MPHOSPH9: variants seen among roughly 807,000 people sequenced by gnomAD.
MPHOSPH9 encodes the protein M-phase phosphoprotein 9.
MPHOSPH9 carries 88 observed loss-of-function variants against 145.5 expected under a neutral mutation model. The ratio of observed to expected loss-of-function variants is 0.60; its 90% confidence interval spans 0.51 to 0.72. The LOEUF is 0.72. MPHOSPH9 is among the 30% of genes least tolerant of loss of function. The pLI, the probability that MPHOSPH9 is intolerant of heterozygous loss-of-function variation, is 0.00. For missense variants in MPHOSPH9, 1,238 were observed against 1,386.6 expected (o/e 0.89, Z 1.70); for synonymous variants, 435 against 486.2 (o/e 0.89, Z 1.39).
downstream of MPHOSPH9, chr12:123,152,718 A>C: frequency 2.7e-6 from 1 of 375,138 alleles, no homozygotes; most frequent in South Asian, 1.9e-5. Context: ...ACTACCATAG[A>C]GCTCTTGGCA....
intron 13 of MPHOSPH9, among the ~76,000 whole-genome samples, chr12:123,189,972 T>C (rs754725018): frequency 8.0e-5 from 12 of 150,840 alleles, no homozygotes; most frequent in Non-Finnish European, 1.2e-4. Flanking sequence ...GTATTGATAG[T>C]ATTTATAAAA....
rs765440807 is a variant in MPHOSPH9 at position 123,194,601 on chromosome 12, T to C, written c.2026A>G (p.Asn676Asp). The change falls in exon 13 of 24, where the codon AAT becomes GAT. Residue 676 changes from asparagine (N) to aspartate (D), a missense_variant and splice_region_variant. Coordinates refer to ENST00000606320, the MANE Select transcript of MPHOSPH9 (RefSeq NM_022782.4). The part of the protein sequence containing the change: ...NKNNLLEIEV[N>D]DLRERFSAAS... ...GCACTGAAGCGTTCTCTCAAATCAT[T>C]CTATAAAACAAAGACAAACATAATT... 30 of 1,568,032 alleles carry C rather than the reference T, an allele frequency of 1.9e-5. No individual in the cohort carries two copies. Among genetic ancestry groups the C allele is most frequent in the African/African-American group, 2.8e-5 (2 of 71,680 alleles).
chr12:123,209,797 C>T (rs1179325237), intron 8 of MPHOSPH9, among the ~76,000 whole-genome samples: 8 of 140,102 alleles, frequency 5.7e-5, no homozygotes, highest in Admixed American at 5.6e-4. Flanking sequence ...AGTGCAGTGG[C>T]GCAATCTCCC....
intron 16 of MPHOSPH9, among the ~76,000 whole-genome samples, chr12:123,170,647 T>C (rs543071943): frequency 3.2e-4 from 49 of 152,358 alleles, no homozygotes; most frequent in African/African-American, 1.2e-3. Context: ...TAAGCTCTAT[T>C]CATTTTTATC....
chr12:123,158,836 G>A (rs540285223), intron 23 of MPHOSPH9, among the ~76,000 whole-genome samples: 31 of 152,214 alleles, frequency 2.0e-4, no homozygotes, highest in African/African-American at 5.8e-4. Flanking sequence ...TCACCACATC[G>A]GCCAGGCCGG....
intron 9 of MPHOSPH9, 69 bp from the exon 10 acceptor site, chr12:123,203,153 T>C: frequency 1.9e-6 from 3 of 1,588,552 alleles, no homozygotes; most frequent in Non-Finnish European, 2.6e-6. Flanking sequence ...TTGAAGTGAG[T>C]AGGCTTTAGA....
At chr12:123,214,679 T>C in intron 7 of MPHOSPH9, 65 bp downstream of exon 7, 1 of 1,295,350 alleles carries the variant, frequency 7.7e-7, no homozygotes, top group Non-Finnish European at 1.1e-6. Flanking sequence ...GCTCTAAAAA[T>C]CTAAGTACCT....
At chr12:123,216,303 C>T (rs1433380026) in intron 6 of MPHOSPH9, among the ~76,000 whole-genome samples, 1 of 151,992 alleles carries the variant, frequency 6.6e-6, no homozygotes, top group Non-Finnish European at 1.5e-5. Context: ...TATCAGGAAG[C>T]CTAAATTGAA....
At chr12:123,184,904 A>G (rs1198779993) in intron 13 of MPHOSPH9, among the ~76,000 whole-genome samples, 5 of 152,108 alleles carry the variant, frequency 3.3e-5, no homozygotes, top group African/African-American at 4.8e-5. Context: ...CTTGGGTTCA[A>G]GCAATTCTCA....
intron 13 of MPHOSPH9, among the ~76,000 whole-genome samples, chr12:123,189,705 C>G (rs935747319): frequency 1.3e-5 from 2 of 151,972 alleles, no homozygotes; most frequent in Non-Finnish European, 2.9e-5. Context: ...GAGGCCGAGG[C>G]GGGCGGATCA....
chr12:123,174,473 C>T (rs1565909706), intron 16 of MPHOSPH9, among the ~76,000 whole-genome samples: 2 of 151,616 alleles, frequency 1.3e-5, no homozygotes, highest in Non-Finnish European at 2.9e-5. Context: ...CCCGGGTTCA[C>T]GCCATTCTCC....
chr12:123,212,711 C>CAAA (rs542748087), intron 7 of MPHOSPH9, among the ~76,000 whole-genome samples: 17 of 46,500 alleles, frequency 3.7e-4, no homozygotes, highest in Non-Finnish European at 5.3e-4. Context: ...AACTCTGTCT[C>CAAA]AAAAAAAAAA....
intron 5 of MPHOSPH9, among the ~76,000 whole-genome samples, chr12:123,220,149 G>A (rs946271295): frequency 6.6e-6 from 1 of 151,960 alleles, no homozygotes; most frequent in Non-Finnish European, 1.5e-5. Flanking sequence ...AGCTGCGATC[G>A]CACCACTGCA....
At chr12:123,157,308 G>C (rs2043907190) in intron 23 of MPHOSPH9, among the ~76,000 whole-genome samples, 3 of 144,306 alleles carry the variant, frequency 2.1e-5, no homozygotes, top group African/African-American at 7.7e-5. Flanking sequence ...CACATACATA[G>C]ATCAAATAAC....
intron 11 of MPHOSPH9, among the ~76,000 whole-genome samples, chr12:123,199,985 G>A (rs947462504): frequency 2.0e-5 from 3 of 152,008 alleles, no homozygotes; most frequent in African/African-American, 4.8e-5. Flanking sequence ...AAATACTGAT[G>A]AGACTATTCT....
At chr12:123,158,584 G>A (rs1301643104) in intron 23 of MPHOSPH9, among the ~76,000 whole-genome samples, 1 of 151,946 alleles carries the variant, frequency 6.6e-6, no homozygotes, top group African/African-American at 2.4e-5. Flanking sequence ...ATGAGACCCT[G>A]TCTCAAAAAA....
At chr12:123,243,312 C>T (rs1181442694) in intron 1 of MPHOSPH9, among the ~76,000 whole-genome samples, 3 of 151,796 alleles carry the variant, frequency 2.0e-5, no homozygotes, top group East Asian at 3.9e-4. Context: ...GGGCGGATCA[C>T]GAGGTCAGGA....
At position 123,202,936 on chromosome 12, in the gene MPHOSPH9, A is replaced by G; in HGVS notation, c.1469T>C (p.Ile490Thr). 2.5e-6 allele frequency: 4 copies of G among 1,614,196 alleles called. No homozygotes were observed. The highest frequency in any genetic ancestry group is 3.4e-6 in the Non-Finnish European group (4 of 1,180,038). ...LEPSMSSPSD[I>T]DSFSQASNVT... ...ATTACTTGCTTGTGAAAATGAGTCTATGTCAGAGGGACTAGACATACTAGG... is the reference window on the plus strand; with the variant it reads ...ATTACTTGCTTGTGAAAATGAGTCTGTGTCAGAGGGACTAGACATACTAGG... The change falls in exon 10 of 24, where the codon ATA (isoleucine) becomes ACA (threonine). Residue 490 changes from isoleucine to threonine, a missense_variant. Physicochemically the swap from Ile to Thr is moderately conservative, Grantham distance 89. This residue lies in a region of MPHOSPH9 where 837 missense variants were observed against 897.5 expected (regional missense o/e 0.93). Transcript: ENST00000606320.
intron 15 of MPHOSPH9, 82 bp from the exon 16 acceptor site, chr12:123,176,871 C>A: frequency 9.1e-7 from 1 of 1,101,254 alleles, no homozygotes; most frequent in East Asian, 2.5e-5. Flanking sequence ...TTTAACAGAC[C>A]CTCCTAAAAA....
Sources: allele counts gnomAD v4.1 joint callset (sites outside exome capture counted in the v4.1 genomes callset), GRCh38; gene constraint gnomAD v4.1.1; regional missense constraint gnomAD v4.1.1; transcripts MANE v1.5; gene names NCBI Gene and HGNC (gene_info 2026-07-23, HGNC 2026-07-21).